The following WWOX variants were observed in gnomAD, a reference collection of about 807,000 sequenced individuals.
The protein encoded by WWOX is WW domain-containing oxidoreductase.
WWOX carries 69 observed loss-of-function variants against 46.2 expected under a neutral mutation model. That is an observed-to-expected ratio of 1.49 (90% confidence interval 1.23 to 1.82). The LOEUF is 1.82. WWOX is among the 40% of genes most tolerant of loss of function. The pLI is 0.00. For synonymous variants in WWOX, 359 were observed against 202.6 expected (o/e 1.77, Z -6.56); for missense variants, 919 against 542.6 (o/e 1.69, Z -6.89).
At chr16:78,896,022 G>A (rs932259863) in intron 8 of WWOX, 1 of 152,004 alleles carries the variant, frequency 6.6e-6, no homozygotes, top group Non-Finnish European at 1.5e-5. Flanking sequence ...CTCAAACTTT[G>A]TTTAAATTTC....
intron 4 of WWOX, among the ~76,000 whole-genome samples, chr16:78,141,819 G>A (rs1322672648): frequency 2.0e-5 from 3 of 151,772 alleles, no homozygotes; most frequent in South Asian, 2.1e-4. Flanking sequence ...AGAATTATAC[G>A]GTGCTAAACA....
intron 8 of WWOX, among the ~76,000 whole-genome samples, chr16:78,596,688 T>A (rs1397497476): frequency 6.6e-6 from 1 of 152,038 alleles, no homozygotes; most frequent in East Asian, 1.9e-4. Context: ...GCAGGGAGAA[T>A]CAGTTGAGAG....
At chr16:78,601,854 A>C (rs2045630717) in intron 8 of WWOX, among the ~76,000 whole-genome samples, 1 of 111,292 alleles carries the variant, frequency 9.0e-6, no homozygotes, top group African/African-American at 7.1e-5. Flanking sequence ...GCAGATCCCT[A>C]CTCGGAGTTT....
In WWOX at chr16:78,930,674, C is replaced by G. The variant is rs577390696; in HGVS notation, c.1057-280934C>G. ...GGTTTCCTGTTAATTGCAGTTAATC[C>G]TATTGAGTAAATGTATCAAGGACAA... On this transcript the variant is annotated intron_variant, in intron 8 of 8. Coordinates refer to ENST00000566780, the MANE Select transcript of WWOX (RefSeq NM_016373.4). Among the ~76,000 whole-genome samples the G allele has an allele frequency of 1.3e-3, 190 of 151,242 alleles. 2 individuals are homozygous for G. Among genetic ancestry groups the G allele is most frequent in the African/African-American group, 4.5e-3 (186 of 41,098 alleles).
At chr16:79,203,488 A>G (rs1293700725) in intron 8 of WWOX, 1 of 143,764 alleles carries the variant, frequency 7.0e-6, no homozygotes, top group Non-Finnish European at 1.5e-5. Flanking sequence ...CCCAGCGGAG[A>G]CCTTGTGTTT....
intron 8 of WWOX, among the ~76,000 whole-genome samples, chr16:78,634,490 A>G (rs1347714353): frequency 6.6e-6 from 1 of 151,934 alleles, no homozygotes; most frequent in South Asian, 2.1e-4. Context: ...GGCAGATCAC[A>G]AGGTCAGGAG....
At chr16:79,106,023 T>C (rs1410390940) in intron 8 of WWOX, 1 of 152,226 alleles carries the variant, frequency 6.6e-6, no homozygotes, top group Non-Finnish European at 1.5e-5. Flanking sequence ...TTTTCAGTGA[T>C]ACCATAGTAT....
At chr16:78,767,577 G>A (rs1469134) in intron 8 of WWOX, among the ~76,000 whole-genome samples, 65,787 of 151,690 alleles carry the variant, frequency 0.43, 14,638 homozygotes, top group Middle Eastern at 0.58. Flanking sequence ...TCTTCTGCAT[G>A]TATACCTAGG....
At chr16:78,290,535 G>A (rs2079843627) in intron 5 of WWOX, among the ~76,000 whole-genome samples, 1 of 152,128 alleles carries the variant, frequency 6.6e-6, no homozygotes, top group Non-Finnish European at 1.5e-5. Flanking sequence ...GCAAGGGACC[G>A]TATTTATGAA....
chr16:79,024,106 G>A (rs1419966819), intron 8 of WWOX, among the ~76,000 whole-genome samples: 1 of 152,194 alleles, frequency 6.6e-6, no homozygotes, highest in Admixed American at 6.5e-5. Flanking sequence ...GGGAAAGAGG[G>A]GACTAGAGAA....
chr16:78,366,537 C>T (rs563602016), intron 5 of WWOX, among the ~76,000 whole-genome samples: 1 of 152,180 alleles, frequency 6.6e-6, no homozygotes, highest in Admixed American at 6.5e-5. Flanking sequence ...CACTCTTATT[C>T]TAAAATAGTG....
In WWOX at chr16:78,730,435, G is replaced by C. The variant is rs117425559; in HGVS notation, c.1056+297683G>C. Among the ~76,000 whole-genome samples the C allele has an allele frequency of 1.0e-2, 1,518 of 151,910 alleles. 19 individuals are homozygous for C. The highest frequency in any genetic ancestry group is 0.044 in the Middle Eastern group (13 of 294). On this transcript the variant is annotated intron_variant, in intron 8 of 8. Transcript: ENST00000566780. ...ATTTCCTAGGACTCATCATTCACAT[G>C]AGTCCAGGAGAAATACATCTTTTGT... is the stretch of plus-strand genomic sequence containing the variant.
chr16:78,323,386 T>C (rs2072697936), intron 5 of WWOX, among the ~76,000 whole-genome samples: 1 of 152,200 alleles, frequency 6.6e-6, no homozygotes, highest in Non-Finnish European at 1.5e-5. Flanking sequence ...ATTACAGGCG[T>C]GAGCCACTGC....
At chr16:79,045,603 A>T (rs1396509053) in intron 8 of WWOX, among the ~76,000 whole-genome samples, 2 of 152,074 alleles carry the variant, frequency 1.3e-5, no homozygotes, top group Non-Finnish European at 1.5e-5. Context: ...GATGCACATC[A>T]GCTATCAATG....
chr16:78,261,057 C>G (rs943242008), intron 5 of WWOX, among the ~76,000 whole-genome samples: 1 of 149,806 alleles, frequency 6.7e-6, no homozygotes, highest in Non-Finnish European at 1.5e-5. Context: ...TGATGTGAAG[C>G]TTTAAGTGAA....
intron 5 of WWOX, among the ~76,000 whole-genome samples, chr16:78,379,458 G>C (rs1255944729): frequency 6.6e-6 from 1 of 152,116 alleles, no homozygotes; most frequent in Non-Finnish European, 1.5e-5. Flanking sequence ...TCCACCTCCA[G>C]CCACTGTACC....
intron 8 of WWOX, among the ~76,000 whole-genome samples, chr16:78,608,715 C>T (rs922680308): frequency 1.3e-5 from 2 of 152,218 alleles, no homozygotes; most frequent in African/African-American, 4.8e-5. Context: ...GGGACCTTTA[C>T]AGTTCCCAGC....
At chr16:78,952,962 C>T (rs971081681) in intron 8 of WWOX, among the ~76,000 whole-genome samples, 1 of 151,694 alleles carries the variant, frequency 6.6e-6, no homozygotes, top group Non-Finnish European at 1.5e-5. Flanking sequence ...AAGGCTTCAG[C>T]AAAACCACAC....
chr16:78,622,949 A>AC (rs2046225152), intron 8 of WWOX, among the ~76,000 whole-genome samples: 1 of 152,088 alleles, frequency 6.6e-6, no homozygotes, highest in Non-Finnish European at 1.5e-5. Context: ...GCAGTAAGGA[A>AC]CTGCATTTGG....
Sources: allele counts gnomAD v4.1 joint callset (sites outside exome capture counted in the v4.1 genomes callset), GRCh38; gene constraint gnomAD v4.1.1; transcripts MANE v1.5; gene names NCBI Gene and HGNC (gene_info 2026-07-23, HGNC 2026-07-21).